NLGN1: variants seen among roughly 807,000 people sequenced by gnomAD.
NLGN1 encodes neuroligin 1.
NLGN1 carries 12 observed loss-of-function variants against 65.5 expected under a neutral mutation model. The ratio of observed to expected loss-of-function variants is 0.18; its 90% CI spans 0.12 to 0.30. The LOEUF (loss-of-function observed/expected upper bound fraction) is 0.30, where lower values mean the gene tolerates loss of function less well. Ranked by LOEUF, NLGN1 falls within the 10% of genes least tolerant of loss-of-function variation. NLGN1 has a pLI of 1.00. For missense variants in NLGN1, 750 were observed against 1,007.1 expected, an observed-to-expected ratio of 0.74 and a Z score of 3.46; for synonymous variants, 350 against 359.5, an observed-to-expected ratio of 0.97 and a Z score of 0.30.
chr3:173,829,193 T>G, intron 4 of NLGN1, among the ~76,000 whole-genome samples: 1 of 152,120 alleles, frequency 6.6e-6, no homozygotes, highest in Admixed American at 6.6e-5. Context: ...TTTCATATTC[T>G]GAGCGGGAGA....
At chr3:174,160,500 T>G (rs1726284286) in intron 4 of NLGN1, among the ~76,000 whole-genome samples, 1 of 151,692 alleles carries the variant, frequency 6.6e-6, no homozygotes, top group South Asian at 2.1e-4. Context: ...TTAGCATTGT[T>G]CTTTCCACAA....
intron 4 of NLGN1, among the ~76,000 whole-genome samples, chr3:174,075,438 A>G (rs1740710064): frequency 6.6e-6 from 1 of 152,176 alleles, no homozygotes; most frequent in Non-Finnish European, 1.5e-5. Context: ...CCTAGATTAG[A>G]AATAATTTTG....
At chr3:173,937,570 G>C (rs1745280114) in intron 4 of NLGN1, among the ~76,000 whole-genome samples, 1 of 152,054 alleles carries the variant, frequency 6.6e-6, no homozygotes, top group Non-Finnish European at 1.5e-5. Flanking sequence ...AATTGCAATG[G>C]AAAACATTAG....
intron 2 of NLGN1, among the ~76,000 whole-genome samples, chr3:173,483,174 GT>G (rs1422330940): frequency 6.6e-6 from 1 of 151,922 alleles, no homozygotes; most frequent in Non-Finnish European, 1.5e-5. Flanking sequence ...TGTTGTTTAT[GT>G]TTTTTCTTTT....
rs138579379 is a variant in NLGN1, at chr3:173,568,707, G to A, written c.-320-35572G>A. 3.5e-3 allele frequency among the ~76,000 whole-genome samples: 529 copies of A among 151,604 alleles called. 4 individuals are homozygous for A. The highest frequency in any genetic ancestry group is 0.012 in the African/African-American group (501 of 41,352). On this transcript the variant is annotated intron_variant, in intron 2 of 6. Coordinates refer to ENST00000457714, the Ensembl canonical transcript of NLGN1. ...GTTTGTTTGTTTGAGATGGAATCTC[G>A]CTCTGTTGCCCAGGCTGGAGTGCAT...
intron 1 of NLGN1, among the ~76,000 whole-genome samples, chr3:173,417,182 G>A (rs755214687): frequency 2.6e-5 from 4 of 151,642 alleles, no homozygotes; most frequent in Non-Finnish European, 5.9e-5. Context: ...CTATGGTGTC[G>A]CAAATTACAT....
At chr3:173,622,451 G>T (rs1054416095) in intron 3 of NLGN1, among the ~76,000 whole-genome samples, 1 of 151,954 alleles carries the variant, frequency 6.6e-6, no homozygotes, top group African/African-American at 2.4e-5. Context: ...CAGAATGTGG[G>T]ACATGAAGTA....
exon 7 of NLGN1, chr3:174,285,737 G>A (rs1227228658): frequency 6.6e-6 from 1 of 151,388 alleles, no homozygotes; most frequent in South Asian, 2.1e-4. Context: ...ATACAGACTG[G>A]AATAACCGTG....
intron 4 of NLGN1, among the ~76,000 whole-genome samples, chr3:174,262,012 C>A (rs1310484995): frequency 7.0e-6 from 1 of 142,214 alleles, no homozygotes; most frequent in East Asian, 2.1e-4. Flanking sequence ...ATTGAACCAG[C>A]CTTGCATCCC....
intron 3 of NLGN1, among the ~76,000 whole-genome samples, chr3:173,746,677 T>A (rs942528246): frequency 2.0e-5 from 3 of 152,060 alleles, no homozygotes; most frequent in African/African-American, 7.2e-5. Context: ...AATATAGTTA[T>A]TTATGTAATT....
intron 2 of NLGN1, among the ~76,000 whole-genome samples, chr3:173,530,532 G>A (rs921574327): frequency 2.6e-5 from 4 of 152,178 alleles, no homozygotes; most frequent in Admixed American, 2.0e-4. Flanking sequence ...GGTGAGTTTA[G>A]TTAAATTACT....
At chr3:174,290,874 G>T (rs1752690248), downstream of NLGN1, among the ~76,000 whole-genome samples, 1 of 150,872 alleles carries the variant, frequency 6.6e-6, no homozygotes, top group Admixed American at 6.6e-5. Flanking sequence ...GAGATAACAG[G>T]TAAGAAGTTC....
intron 4 of NLGN1, among the ~76,000 whole-genome samples, chr3:173,837,502 T>C (rs1202582144): frequency 6.6e-6 from 1 of 152,178 alleles, no homozygotes; most frequent in African/African-American, 2.4e-5. Flanking sequence ...CTGAAAAGCC[T>C]TTTGTTTCAT....
chr3:174,174,572 A>G lies in NLGN1; in HGVS notation c.647-100743A>G, dbSNP rs141858652. On this transcript the variant is annotated intron_variant, in intron 4 of 6. Coordinates refer to ENST00000457714, the Ensembl canonical transcript of NLGN1. ...GGTTTTGATTCGCATTTCCCTGATCATTAGTGATGTTGAGCATTTTTTCAT... is the reference window on the plus strand; with the variant it reads ...GGTTTTGATTCGCATTTCCCTGATCGTTAGTGATGTTGAGCATTTTTTCAT... 7.4e-4 allele frequency among the ~76,000 whole-genome samples: 112 copies of G among 152,104 alleles called. 2 individuals are homozygous for G. The East Asian group carries it at 0.02, about 27-fold the overall frequency.
chr3:173,696,345 T>G (rs958394699), intron 3 of NLGN1, among the ~76,000 whole-genome samples: 1 of 152,178 alleles, frequency 6.6e-6, no homozygotes, highest in Non-Finnish European at 1.5e-5. Flanking sequence ...AACTTCTCCT[T>G]GTAGCATAGT....
chr3:174,226,670 C>G (rs1440297609), intron 4 of NLGN1, among the ~76,000 whole-genome samples: 1 of 152,110 alleles, frequency 6.6e-6, no homozygotes, highest in Admixed American at 6.5e-5. Context: ...TATTTTACAA[C>G]ATAAGAACCA....
At chr3:173,501,508 C>G (rs1429469141) in intron 2 of NLGN1, among the ~76,000 whole-genome samples, 1 of 152,024 alleles carries the variant, frequency 6.6e-6, no homozygotes, top group African/African-American at 2.4e-5. Context: ...CTACTTCCCA[C>G]TTAGAAATTC....
intron 4 of NLGN1, among the ~76,000 whole-genome samples, chr3:173,861,870 T>A (rs1202417111): frequency 6.6e-6 from 1 of 151,822 alleles, no homozygotes; most frequent in Non-Finnish European, 1.5e-5. Flanking sequence ...GTGATTCTCA[T>A]GCCTCAGCCT....
chr3:173,478,853 C>A (rs572922182), intron 2 of NLGN1, among the ~76,000 whole-genome samples: 2 of 151,500 alleles, frequency 1.3e-5, no homozygotes, highest in South Asian at 4.2e-4. Flanking sequence ...GAATGCACCA[C>A]TGCACTCCAG....
Sources: allele counts gnomAD v4.1 joint callset (sites outside exome capture counted in the v4.1 genomes callset), GRCh38; gene constraint gnomAD v4.1.1; transcripts MANE v1.5; gene names NCBI Gene and HGNC (gene_info 2026-07-23, HGNC 2026-07-21).